The following CHD1L variants were observed in gnomAD, a reference collection of about 807,000 sequenced individuals.
The protein encoded by CHD1L is chromodomain helicase DNA binding protein 1 like, also known as ATP-dependent chromatin remodeler CHD1L.
CHD1L carries 118 observed loss-of-function variants against 115.9 expected under a neutral mutation model. The ratio of observed to expected loss-of-function variants is 1.02; its 90% CI spans 0.88 to 1.19. CHD1L has a LOEUF of 1.19. CHD1L is among the 50% of genes most tolerant of loss of function. The pLI is 0.00. For missense variants in CHD1L, 1,179 were observed against 1,065.3 expected (o/e 1.11, Z -1.49); for synonymous variants, 411 against 387.1 (o/e 1.06, Z -0.72).
chr1:147,291,563 C>T lies in CHD1L; in HGVS notation c.2391+11C>T, dbSNP rs1685538397. ...AAAGGGCAAGATTTGGTAAGTAAAA[C>T]CCATCTCTTCTCAGAACTACAAGTG... is the stretch of plus-strand genomic sequence containing the variant. On this transcript the variant is annotated intron_variant, in intron 20 of 22. Transcript: ENST00000369258. 1.2e-6 allele frequency: 2 copies of T among 1,607,980 alleles called. No individual in the cohort carries two copies. Among genetic ancestry groups the T allele is most frequent in the South Asian group, 1.1e-5 (1 of 90,950 alleles).
At chr1:147,294,340 C>T in intron 21 of CHD1L, 69 bp from the exon 22 acceptor site, 3 of 1,007,256 alleles carry the variant, frequency 3.0e-6, no homozygotes, top group Admixed American at 2.3e-5. Flanking sequence ...TAATTTTCTC[C>T]CATGTGTATT....
chr1:147,187,527 G>A, the CHD1L span, among the ~76,000 whole-genome samples: 1 of 152,160 alleles, frequency 6.6e-6, no homozygotes, highest in Admixed American at 6.5e-5. Context: ...TTAGGTTCTT[G>A]AAGGATGTGA....
intron 15 of CHD1L, among the ~76,000 whole-genome samples, chr1:147,283,066 CA>C (rs1681551873): frequency 6.6e-6 from 1 of 152,256 alleles, no homozygotes; most frequent in Middle Eastern, 3.4e-3. Context: ...AAATAAAAAA[CA>C]GGGTTGCTTT....
rs587749633 is a variant in CHD1L, at chr1:147,258,957, C to A, written c.495-880C>A. On this transcript the variant is annotated intron_variant, in intron 5 of 22. Coordinates refer to ENST00000369258, the MANE Select transcript of CHD1L (RefSeq NM_004284.6). ...AAAAGAGGATACATGATATTTATAT[C>A]TTTTTTATTATTCTATAGGCCTTTT... The A allele has an allele frequency of 2.0e-5, 3 of 152,120 alleles. No homozygotes were observed. The South Asian group carries it at 6.2e-4, about 32-fold the overall frequency. The allele number at this position is 152,120 out of a possible 1,614,324, so 9.4% of individuals were successfully genotyped here.
the CHD1L span, among the ~76,000 whole-genome samples, chr1:147,203,114 C>CT: frequency 1.4e-3 from 200 of 147,674 alleles, no homozygotes; most frequent in East Asian, 3.4e-3. Flanking sequence ...CAAAGGTTTC[C>CT]TTTTTTTTTT....
At chr1:147,194,304 G>T in the CHD1L span, among the ~76,000 whole-genome samples, 4 of 152,078 alleles carry the variant, frequency 2.6e-5, no homozygotes, top group African/African-American at 9.7e-5. Context: ...TTTAAAGTCT[G>T]TTTTATCAGA....
the CHD1L span, among the ~76,000 whole-genome samples, chr1:147,188,557 T>C: frequency 2.0e-5 from 3 of 147,954 alleles, no homozygotes; most frequent in Admixed American, 6.7e-5. Flanking sequence ...GCTATAGTAT[T>C]CATGAAGGTT....
chr1:147,213,950 T>C, the CHD1L span, among the ~76,000 whole-genome samples: 1 of 152,158 alleles, frequency 6.6e-6, no homozygotes, highest in East Asian at 1.9e-4. Context: ...AACACCTCAG[T>C]GGCTCTCATT....
intron 7 of CHD1L, among the ~76,000 whole-genome samples, chr1:147,265,486 G>T (rs1393242489): frequency 3.3e-5 from 5 of 152,210 alleles, no homozygotes; most frequent in African/African-American, 1.2e-4. Flanking sequence ...TCTGGGGAAA[G>T]AAGGGATTTT....
chr1:147,273,783 T>G (rs1553955328), intron 12 of CHD1L, among the ~76,000 whole-genome samples: 1 of 152,120 alleles, frequency 6.6e-6, no homozygotes, highest in East Asian at 1.9e-4. Flanking sequence ...TCCTGGACAT[T>G]AGTCTTCTCC....
chr1:147,263,697 T>C, intron 6 of CHD1L, among the ~76,000 whole-genome samples: 1 of 152,132 alleles, frequency 6.6e-6, no homozygotes, highest in East Asian at 1.9e-4. Context: ...CTTCCTAACC[T>C]TCTACTTCAT....
chr1:147,213,329 G>A, the CHD1L span: 4 of 1,611,116 alleles, frequency 2.5e-6, no homozygotes, highest in South Asian at 2.2e-5. Context: ...TCCAGAGGTA[G>A]ATGAGCATTG....
At chr1:147,250,870 A>C (rs1668196326) in intron 1 of CHD1L, among the ~76,000 whole-genome samples, 2 of 152,066 alleles carry the variant, frequency 1.3e-5, no homozygotes, top group African/African-American at 4.8e-5. Flanking sequence ...AATAATCTCC[A>C]CGTGTCAAGG....
In CHD1L at chr1:147,291,028, G is replaced by C. The variant is rs72999668; in HGVS notation, c.2321-454G>C. Among the ~76,000 whole-genome samples, 428 of 152,274 alleles carry C rather than the reference G, an allele frequency of 2.8e-3. 2 individuals carry two copies. Among genetic ancestry groups the C allele is most frequent in the African/African-American group, 5.7e-3 (237 of 41,560 alleles). On this transcript the variant is annotated intron_variant, in intron 19 of 22. Coordinates refer to ENST00000369258, the MANE Select transcript of CHD1L (RefSeq NM_004284.6). ...TCACATCAGCTTATGTAAAGCCATA[G>C]AATTAAATTAGCACATTTTTCTTCA...
intron 11 of CHD1L, among the ~76,000 whole-genome samples, chr1:147,271,612 G>C (rs587738386): frequency 6.6e-6 from 1 of 152,150 alleles, no homozygotes; most frequent in Non-Finnish European, 1.5e-5. Flanking sequence ...TCTGAGTTCC[G>C]CAGTATACCT....
intron 15 of CHD1L, among the ~76,000 whole-genome samples, chr1:147,283,374 A>C (rs1228783573): frequency 6.6e-6 from 1 of 152,200 alleles, no homozygotes; most frequent in South Asian, 2.1e-4. Context: ...ATATTGTGAA[A>C]ATATATTATT....
At chr1:147,258,259 T>C (rs1258174219) in intron 5 of CHD1L, among the ~76,000 whole-genome samples, 1 of 152,174 alleles carries the variant, frequency 6.6e-6, no homozygotes, top group Non-Finnish European at 1.5e-5. Context: ...ATTTCCCCCA[T>C]CTTTTCCTCT....
At chr1:147,175,776 A>G in the CHD1L span, 2 of 152,160 alleles carry the variant, frequency 1.3e-5, no homozygotes, top group Non-Finnish European at 2.9e-5. Flanking sequence ...AAAATGTAGC[A>G]TAGCTATAAA....
rs1572272306 is a variant in CHD1L at position 147,295,585 on chromosome 1, A to C, written c.*76A>C. On this transcript the variant is annotated 3_prime_UTR_variant, in exon 23 of 23. Transcript: ENST00000369258. ...CAGAGGTACTGCAATAGAGTATTTC[A>C]AAATGGAATCAGGATCTGGTGGGCC... 1 of 1,070,644 alleles carries C rather than the reference A, an allele frequency of 9.3e-7. No homozygotes were observed. The highest frequency in any genetic ancestry group is 2.5e-5 in the East Asian group (1 of 39,624). The allele number at this position is 1,070,644 out of a possible 1,614,324, so 66.3% of individuals were successfully genotyped here. A position where few individuals can be genotyped will look rare whatever the true frequency, so the allele number is the denominator to read the frequency against.
Sources: allele counts gnomAD v4.1 joint callset (sites outside exome capture counted in the v4.1 genomes callset), GRCh38; gene constraint gnomAD v4.1.1; transcripts MANE v1.5; gene names NCBI Gene and HGNC (gene_info 2026-07-23, HGNC 2026-07-21).